Variants in STK32B observed in about 807,000 individuals in gnomAD.
STK32B encodes the protein serine/threonine kinase 32B, also known as serine/threonine-protein kinase 32B.
In STK32B, 43 loss-of-function variants were observed where a neutral mutation model predicts 52.6. The observed-to-expected ratio is 0.82, with a 90% CI of 0.64 to 1.05. The LOEUF (loss-of-function observed/expected upper bound fraction) is 1.05. STK32B is among the 50% of genes least tolerant of loss of function. The pLI is 0.00. For missense variants in STK32B, 621 were observed against 534.6 expected (o/e 1.16, Z -1.59); for synonymous variants, 238 against 204.3 (o/e 1.17, Z -1.41).
At chr4:5,375,338 C>T (rs1412293470) in intron 4 of STK32B, among the ~76,000 whole-genome samples, 1 of 152,190 alleles carries the variant, frequency 6.6e-6, no homozygotes, top group African/African-American at 2.4e-5. Flanking sequence ...CACACAGACC[C>T]CTCTGCTTCC....
chr4:5,443,932 C>G (rs1489471492), intron 6 of STK32B, among the ~76,000 whole-genome samples: 1 of 152,152 alleles, frequency 6.6e-6, no homozygotes, highest in Non-Finnish European at 1.5e-5. Context: ...GGGTCAGGCA[C>G]CCACTTGAGG....
At chr4:5,231,580 C>A (rs536522715) in intron 3 of STK32B, among the ~76,000 whole-genome samples, 20 of 152,136 alleles carry the variant, frequency 1.3e-4, no homozygotes, top group Non-Finnish European at 2.2e-4. Flanking sequence ...CCACGGCACT[C>A]CAGCCTGGGC....
At chr4:5,343,437 A>G (rs1443846916) in intron 4 of STK32B, among the ~76,000 whole-genome samples, 3 of 152,174 alleles carry the variant, frequency 2.0e-5, no homozygotes, top group African/African-American at 7.2e-5. Context: ...TTATAGTAGC[A>G]TGATTTATAA....
intron 2 of STK32B, among the ~76,000 whole-genome samples, chr4:5,167,642 A>G (rs1162276723): frequency 6.6e-6 from 1 of 152,086 alleles, no homozygotes; most frequent in African/African-American, 2.4e-5. Context: ...AAACTTACAA[A>G]CTCCGGGAGC....
intron 3 of STK32B, among the ~76,000 whole-genome samples, chr4:5,196,458 G>A (rs1255266522): frequency 6.7e-6 from 1 of 150,352 alleles, no homozygotes; most frequent in Non-Finnish European, 1.5e-5. Context: ...GGCAGTGGCT[G>A]ACGCCTATAA....
chr4:5,163,535 AGGCTGTGTGT>A (rs1306715626), intron 2 of STK32B, among the ~76,000 whole-genome samples: 33 of 98,656 alleles, frequency 3.3e-4, no homozygotes, highest in African/African-American at 1.2e-3. Context: ...GATAGAGTGA[AGGCTGTGTGT>A]GTGTGTGTGT....
At chr4:5,356,569 C>T (rs1423953919) in intron 4 of STK32B, among the ~76,000 whole-genome samples, 1 of 152,160 alleles carries the variant, frequency 6.6e-6, no homozygotes, top group Non-Finnish European at 1.5e-5. Flanking sequence ...GCTACATTCA[C>T]CCCTTCACTA....
the STK32B span, among the ~76,000 whole-genome samples, chr4:5,042,563 A>G: frequency 6.6e-6 from 1 of 152,102 alleles, no homozygotes; most frequent in Non-Finnish European, 1.5e-5. Context: ...TAGGTGACCA[A>G]TTCCTTCAGC....
chr4:5,146,303 C>A (rs544248037), intron 2 of STK32B, among the ~76,000 whole-genome samples: 2 of 152,112 alleles, frequency 1.3e-5, no homozygotes, highest in East Asian at 3.9e-4. Flanking sequence ...CTAGGGAAAC[C>A]GAAAATGCAG....
At chr4:5,190,043 C>G (rs181407709) in intron 3 of STK32B, among the ~76,000 whole-genome samples, 51 of 152,262 alleles carry the variant, frequency 3.3e-4, no homozygotes, top group Admixed American at 1.5e-3. Context: ...CGTACATGAT[C>G]AGCTCACTTG....
intron 1 of STK32B, among the ~76,000 whole-genome samples, chr4:5,057,350 T>G (rs1426021588): frequency 6.6e-6 from 1 of 152,182 alleles, no homozygotes; most frequent in Non-Finnish European, 1.5e-5. Context: ...TGCCAGTAGC[T>G]TGGCAGCTCT....
intron 1 of STK32B, among the ~76,000 whole-genome samples, chr4:5,130,314 AAC>A (rs1347803559): frequency 4.6e-5 from 7 of 151,952 alleles, no homozygotes; most frequent in Admixed American, 2.0e-4. Context: ...GGGTGGCTGA[AAC>A]ACACTGTGGT....
At chr4:5,026,533 T>C in the STK32B span, among the ~76,000 whole-genome samples, 1 of 152,192 alleles carries the variant, frequency 6.6e-6, no homozygotes, top group Non-Finnish European at 1.5e-5. Context: ...CTCACCATCA[T>C]GAGAACAGTA....
intron 8 of STK32B, among the ~76,000 whole-genome samples, chr4:5,458,142 G>T (rs1353503775): frequency 6.6e-6 from 1 of 152,148 alleles, no homozygotes; most frequent in African/African-American, 2.4e-5. Flanking sequence ...CAGACACCTG[G>T]GGTGGGCCCC....
chr4:5,237,108 G>T (rs1724690017), intron 3 of STK32B, among the ~76,000 whole-genome samples: 1 of 152,154 alleles, frequency 6.6e-6, no homozygotes, highest in South Asian at 2.1e-4. Context: ...CAAGGAGTTT[G>T]CCAGGTGGGA....
chr4:5,053,914 G>C (rs1362211651), intron 1 of STK32B, among the ~76,000 whole-genome samples: 2 of 151,830 alleles, frequency 1.3e-5, no homozygotes, highest in Admixed American at 1.3e-4. Context: ...GGGAGGCGGA[G>C]GTTGCAGTGA....
intron 3 of STK32B, among the ~76,000 whole-genome samples, chr4:5,290,637 A>G (rs910102201): frequency 6.6e-6 from 1 of 151,544 alleles, no homozygotes; most frequent in Non-Finnish European, 1.5e-5. Context: ...TTAAGTTCAT[A>G]CATGTAAACT....
intron 6 of STK32B, among the ~76,000 whole-genome samples, chr4:5,428,232 C>A (rs950176217): frequency 6.6e-6 from 1 of 151,800 alleles, no homozygotes; most frequent in African/African-American, 2.4e-5. Context: ...ACAGTGAAAC[C>A]CCGTCTCTAC....
chr4:5,496,750 C>T (rs1286079240), intron 11 of STK32B, among the ~76,000 whole-genome samples: 3 of 151,656 alleles, frequency 2.0e-5, no homozygotes, highest in Non-Finnish European at 2.9e-5. Flanking sequence ...AAAATGTTGC[C>T]GTTCCTTTTC....
Sources: gnomAD v4.1 joint callset for allele counts (sites outside exome capture counted in the v4.1 genomes callset) on GRCh38, gnomAD v4.1.1 for gene constraint, MANE v1.5 for transcripts, NCBI Gene and HGNC (gene_info 2026-07-23, HGNC 2026-07-21) for gene names.